Variants in MEMO1 observed in about 807,000 individuals in gnomAD.
MEMO1 encodes protein MEMO1.
Under a neutral mutation model 45.2 loss-of-function variants are expected in MEMO1, and 6 were observed. That is an observed-to-expected ratio of 0.13 (90% CI 0.07 to 0.26). The LOEUF (loss-of-function observed/expected upper bound fraction) is 0.26. Ranked by LOEUF, MEMO1 falls within the 10% of genes least tolerant of loss-of-function variation. The pLI is 1.00. For synonymous variants in MEMO1, 78 were observed against 124.3 expected (o/e 0.63, Z 2.48); for missense variants, 184 against 370.5 (o/e 0.50, Z 4.13).
intron 2 of MEMO1, among the ~76,000 whole-genome samples, chr2:31,943,876 G>A (rs948051107): frequency 2.0e-5 from 3 of 152,114 alleles, no homozygotes; most frequent in Admixed American, 6.5e-5. Context: ...CAGTAACTAC[G>A]CTACCTTAAA....
intron 8 of MEMO1, among the ~76,000 whole-genome samples, chr2:31,874,877 T>C (rs1674335707): frequency 2.0e-5 from 3 of 151,656 alleles, no homozygotes; most frequent in African/African-American, 7.3e-5. Context: ...ATTAATCAAT[T>C]AAGACAATAC....
At chr2:31,977,863 T>A (rs1214393777) in intron 2 of MEMO1, among the ~76,000 whole-genome samples, 1 of 152,200 alleles carries the variant, frequency 6.6e-6, no homozygotes, top group Non-Finnish European at 1.5e-5. Flanking sequence ...CTTCACAAAA[T>A]AAAATATGTA....
intron 4 of MEMO1, chr2:31,923,861 T>A (rs1682693860): frequency 2.6e-6 from 3 of 1,171,406 alleles, no homozygotes; most frequent in Middle Eastern, 5.9e-4. Flanking sequence ...GCTCCAGAAA[T>A]AAACACCAGA....
chr2:31,968,695 G>A (rs571870837), intron 2 of MEMO1, among the ~76,000 whole-genome samples: 4 of 152,190 alleles, frequency 2.6e-5, no homozygotes, highest in East Asian at 1.9e-4. Flanking sequence ...ATGCTTTCCC[G>A]AAAATTCCTA....
intron 6 of MEMO1, among the ~76,000 whole-genome samples, chr2:31,916,304 C>A (rs2148146153): frequency 6.6e-6 from 1 of 152,246 alleles, no homozygotes; most frequent in Middle Eastern, 3.4e-3. Flanking sequence ...TCTCGGCTCA[C>A]TGCAGTCTCA....
intron 6 of MEMO1, among the ~76,000 whole-genome samples, chr2:31,896,947 C>G (rs1055677968): frequency 1.3e-5 from 2 of 152,048 alleles, no homozygotes; most frequent in African/African-American, 4.8e-5. Flanking sequence ...TCACATCCCT[C>G]GTAAGTTGGA....
intron 5 of MEMO1, among the ~76,000 whole-genome samples, chr2:31,918,578 C>T (rs1681821799): frequency 6.6e-6 from 1 of 152,082 alleles, no homozygotes; most frequent in Non-Finnish European, 1.5e-5. Flanking sequence ...AAAATTCTCA[C>T]TAATGCTATT....
chr2:31,913,289 C>G lies in MEMO1; in HGVS notation c.437+4637G>C, dbSNP rs182565088. Reference sequence around the variant, plus strand: ...AAAAAAAGCAGAAATTTAAATAATACCTTAGACATCTATTTTTTAAAAAAT... The same window carrying G: ...AAAAAAAGCAGAAATTTAAATAATAGCTTAGACATCTATTTTTTAAAAAAT... On this transcript the variant is annotated intron_variant, in intron 6 of 9. Coordinates refer to ENST00000404530, the MANE Select transcript of MEMO1 (RefSeq NM_001301833.4). Among the ~76,000 whole-genome samples, 582 of 141,850 alleles carry G rather than the reference C, an allele frequency of 4.1e-3. 2 individuals carry two copies. The highest frequency in any genetic ancestry group is 0.014 in the African/African-American group (555 of 38,560). The allele number at this position is 141,850 out of a possible 152,430, so 93.1% of individuals were successfully genotyped here. A position where few individuals can be genotyped will look rare whatever the true frequency, so the allele number is the denominator to read the frequency against.
intron 8 of MEMO1, among the ~76,000 whole-genome samples, chr2:31,875,962 C>T (rs1674500014): frequency 6.6e-6 from 1 of 152,154 alleles, no homozygotes; most frequent in Non-Finnish European, 1.5e-5. Context: ...GCTGGGATTA[C>T]AGGCATGAGC....
At chr2:31,925,936 A>T (rs1683032491) in intron 4 of MEMO1, among the ~76,000 whole-genome samples, 1 of 152,196 alleles carries the variant, frequency 6.6e-6, no homozygotes, top group Non-Finnish European at 1.5e-5. Context: ...AGTATGTTTC[A>T]GGAAAAAGCA....
chr2:31,895,467 A>T (rs918344493), intron 6 of MEMO1, among the ~76,000 whole-genome samples: 2 of 152,364 alleles, frequency 1.3e-5, no homozygotes, highest in South Asian at 2.1e-4. Context: ...TTTAGAGTTG[A>T]ATAGTAACCG....
intron 2 of MEMO1, among the ~76,000 whole-genome samples, chr2:31,949,614 G>A (rs1286039788): frequency 4.2e-5 from 5 of 119,226 alleles, no homozygotes; most frequent in African/African-American, 1.6e-4. Flanking sequence ...TGGAGGGTTG[G>A]ATAGGAGGTG....
intron 6 of MEMO1, among the ~76,000 whole-genome samples, chr2:31,903,266 G>A (rs753265247): frequency 2.0e-5 from 3 of 152,034 alleles, no homozygotes; most frequent in African/African-American, 4.8e-5. Flanking sequence ...AAGATGTGAG[G>A]AGAATTAAAC....
intron 6 of MEMO1, among the ~76,000 whole-genome samples, chr2:31,914,783 G>A (rs1294131101): frequency 2.0e-5 from 3 of 151,116 alleles, no homozygotes; most frequent in Admixed American, 1.3e-4. Context: ...GTAAGCTCCC[G>A]TCTCTTAAAA....
chr2:32,003,082 T>G (rs989467978), intron 2 of MEMO1, among the ~76,000 whole-genome samples: 3 of 152,178 alleles, frequency 2.0e-5, no homozygotes, highest in African/African-American at 7.2e-5. Flanking sequence ...TTTTTCAATT[T>G]CCCACACACC....
intron 2 of MEMO1, among the ~76,000 whole-genome samples, chr2:32,007,526 T>C (rs553218966): frequency 6.6e-6 from 1 of 151,716 alleles, no homozygotes; most frequent in South Asian, 2.1e-4. Context: ...TGTATATATG[T>C]AATATTTATA....
intron 3 of MEMO1, among the ~76,000 whole-genome samples, chr2:31,934,101 C>G (rs1347955985): frequency 6.6e-6 from 1 of 152,060 alleles, no homozygotes; most frequent in Non-Finnish European, 1.5e-5. Context: ...TGGATCTGCC[C>G]AGCTCTATCT....
intron 2 of MEMO1, among the ~76,000 whole-genome samples, chr2:31,982,574 G>T (rs1259185369): frequency 1.4e-5 from 2 of 141,534 alleles, no homozygotes; most frequent in Non-Finnish European, 3.0e-5. Context: ...GGGCAACAGG[G>T]CAAGACTCCG....
chr2:31,998,692 C>G (rs985213714), intron 2 of MEMO1, among the ~76,000 whole-genome samples: 2 of 151,622 alleles, frequency 1.3e-5, no homozygotes, highest in Non-Finnish European at 2.9e-5. Flanking sequence ...CCCAGCTACT[C>G]GGGAGGCTGA....
Sources: allele counts gnomAD v4.1 joint callset (sites outside exome capture counted in the v4.1 genomes callset), GRCh38; gene constraint gnomAD v4.1.1; transcripts MANE v1.5; gene names NCBI Gene and HGNC (gene_info 2026-07-23, HGNC 2026-07-21).